The following ADGRD1 variants were observed in gnomAD, a reference collection of about 807,000 sequenced individuals.
The protein encoded by ADGRD1 is G-protein coupled receptor 133.
Under a neutral mutation model 113.4 loss-of-function variants are expected in ADGRD1, and 77 were observed. That is an observed-to-expected ratio of 0.68 (90% confidence interval 0.57 to 0.82). ADGRD1 has a LOEUF of 0.82. Among genes scored for constraint, ADGRD1 ranks in the 40% least tolerant of loss-of-function variants. The pLI is 0.00. For missense variants in ADGRD1, 1,036 were observed against 1,139.1 expected, an observed-to-expected ratio of 0.91 and a Z score of 1.30; for synonymous variants, 474 against 475.0, an observed-to-expected ratio of 1.00 and a Z score of 0.03.
chr12:130,964,574 A>G (rs913322885), intron 2 of ADGRD1, among the ~76,000 whole-genome samples: 10 of 152,218 alleles, frequency 6.6e-5, no homozygotes, highest in African/African-American at 2.4e-4. Flanking sequence ...AATCCCAGCT[A>G]CTTGGGAGGC....
At chr12:130,998,965 A>G (rs114150531) in intron 8 of ADGRD1, among the ~76,000 whole-genome samples, 111 of 152,378 alleles carry the variant, frequency 7.3e-4, no homozygotes, top group African/African-American at 2.5e-3. Context: ...GGAAATATCT[A>G]ATTAGTAATT....
At chr12:131,098,703 C>T (rs745662823) in intron 15 of ADGRD1, among the ~76,000 whole-genome samples, 2 of 152,186 alleles carry the variant, frequency 1.3e-5, no homozygotes, top group South Asian at 2.1e-4. Flanking sequence ...CAGTCACCTC[C>T]GCCACCGCCC....
At chr12:131,034,946 C>T (rs1593085640) in intron 13 of ADGRD1, among the ~76,000 whole-genome samples, 1 of 152,314 alleles carries the variant, frequency 6.6e-6, no homozygotes, top group South Asian at 2.1e-4. Flanking sequence ...TCAGCCCTCC[C>T]CTCCACAGCA....
At chr12:131,054,569 T>C (rs768808712) in intron 13 of ADGRD1, among the ~76,000 whole-genome samples, 9 of 152,308 alleles carry the variant, frequency 5.9e-5, no homozygotes, top group Non-Finnish European at 8.8e-5. Flanking sequence ...AGGCTATTCC[T>C]GGCCCTGTGT....
At chr12:131,078,548 C>T (rs913233691) in intron 14 of ADGRD1, among the ~76,000 whole-genome samples, 3 of 152,168 alleles carry the variant, frequency 2.0e-5, no homozygotes, top group African/African-American at 7.2e-5. Flanking sequence ...AAAATTATGA[C>T]TAGAAAACGG....
chr12:131,059,485 C>T (rs1158986036), intron 13 of ADGRD1, among the ~76,000 whole-genome samples: 1 of 152,178 alleles, frequency 6.6e-6, no homozygotes, highest in African/African-American at 2.4e-5. Flanking sequence ...CCAGCCCATC[C>T]ATTGAGATTT....
intron 13 of ADGRD1, among the ~76,000 whole-genome samples, chr12:131,047,687 C>T (rs897706856): frequency 1.8e-4 from 28 of 152,186 alleles, no homozygotes; most frequent in African/African-American, 5.1e-4. Flanking sequence ...GTGCCAGGGA[C>T]GTCACGACTG....
intron 13 of ADGRD1, among the ~76,000 whole-genome samples, chr12:131,046,781 GTGTCCTCCCTGGT>G (rs1593115776): frequency 3.7e-5 from 5 of 135,814 alleles, no homozygotes; most frequent in Non-Finnish European, 7.8e-5. Flanking sequence ...TCCCTGGTCA[GTGTCCTCCCTGGT>G]CAGTGTCCTC....
intron 13 of ADGRD1, among the ~76,000 whole-genome samples, chr12:131,068,295 C>T (rs1219268277): frequency 2.0e-5 from 3 of 152,162 alleles, no homozygotes; most frequent in South Asian, 2.1e-4. Flanking sequence ...TCATGGGTGG[C>T]GCTGGAATGG....
intron 13 of ADGRD1, among the ~76,000 whole-genome samples, chr12:131,036,661 C>CG (rs560230836): frequency 4.2e-5 from 6 of 142,176 alleles, no homozygotes; most frequent in South Asian, 2.3e-4. Flanking sequence ...ACTCACTGCA[C>CG]GGGGCCTCAC....
intron 15 of ADGRD1, among the ~76,000 whole-genome samples, chr12:131,100,914 GTCTGTTGAA>G (rs1294949811): frequency 2.0e-5 from 3 of 152,236 alleles, no homozygotes; most frequent in Admixed American, 2.0e-4. Flanking sequence ...TAGGAAATCT[GTCTGTTGAA>G]TCAGTGGCAG....
chr12:131,023,645 C>T (rs1411351643), intron 13 of ADGRD1: 1 of 152,236 alleles, frequency 6.6e-6, no homozygotes, highest in Non-Finnish European at 1.5e-5. Context: ...CTCAGCTGCG[C>T]AGAGCCCCAC....
intron 13 of ADGRD1, among the ~76,000 whole-genome samples, chr12:131,067,583 C>A (rs1348769953): frequency 7.0e-6 from 1 of 143,388 alleles, no homozygotes; most frequent in Non-Finnish European, 1.5e-5. Flanking sequence ...CGCTGTGCCC[C>A]TGATCCTTCT....
At chr12:131,067,307 G>T (rs1046679374) in intron 13 of ADGRD1, among the ~76,000 whole-genome samples, 9 of 152,310 alleles carry the variant, frequency 5.9e-5, no homozygotes, top group Admixed American at 5.9e-4. Context: ...TGCAGATTTT[G>T]CAGTTGTCTA....
chr12:131,092,447 G>C (rs1293511921), intron 15 of ADGRD1, among the ~76,000 whole-genome samples: 1 of 152,232 alleles, frequency 6.6e-6, no homozygotes, highest in Non-Finnish European at 1.5e-5. Context: ...TTGATAGACA[G>C]TCCTGCCAAG....
In ADGRD1 at chr12:131,084,437, C is replaced by A; in HGVS notation, c.1548-103C>A. ...CTGGCGTGGCAGGTGTGGGCGCCGC[C>A]ATGAGTTCACGGGGCCATGTGTTAT... On this transcript the variant is annotated intron_variant, in intron 14 of 24. Coordinates refer to ENST00000261654, the MANE Select transcript of ADGRD1 (RefSeq NM_198827.5). The surrounding 1 kb of genome is among the most constrained non-coding windows in gnomAD (Gnocchi z 4.5). 1.5e-6 allele frequency: 2 copies of A among 1,299,878 alleles called. No homozygotes were observed. Among genetic ancestry groups the A allele is most frequent in the South Asian group, 2.5e-5 (2 of 80,400 alleles). The allele number at this position is 1,299,878 out of a possible 1,614,324, so 80.5% of individuals were successfully genotyped here.
At chr12:131,066,972 C>T (rs886184953) in intron 13 of ADGRD1, among the ~76,000 whole-genome samples, 8 of 152,162 alleles carry the variant, frequency 5.3e-5, no homozygotes. Flanking sequence ...AGGGACGAAG[C>T]GATGGACTTG....
chr12:131,115,136 C>T (rs1374355447), intron 18 of ADGRD1, among the ~76,000 whole-genome samples: 5 of 152,132 alleles, frequency 3.3e-5, no homozygotes, highest in Non-Finnish European at 4.4e-5. Context: ...TAACAAACAG[C>T]TTCCATCCCT....
intron 5 of ADGRD1, among the ~76,000 whole-genome samples, chr12:130,985,328 C>CA (rs1212906560): frequency 2.0e-5 from 3 of 152,122 alleles, no homozygotes; most frequent in Non-Finnish European, 4.4e-5. Flanking sequence ...ATTCTCTTGA[C>CA]AGTGTCTTTC....
Sources: allele counts gnomAD v4.1 joint callset (sites outside exome capture counted in the v4.1 genomes callset), GRCh38; gene constraint gnomAD v4.1.1; non-coding constraint Gnocchi (gnomAD v3.1); transcripts MANE v1.5; gene names NCBI Gene and HGNC (gene_info 2026-07-23, HGNC 2026-07-21).